LZTFL1: variants seen among roughly 807,000 people sequenced by gnomAD.
LZTFL1 encodes leucine zipper transcription factor-like protein 1.
Under a neutral mutation model 45.9 loss-of-function variants are expected in LZTFL1, and 25 were observed. That is an observed-to-expected ratio of 0.54 (90% CI 0.40 to 0.76). The LOEUF is 0.76. LZTFL1 is among the 30% of genes least tolerant of loss of function. The pLI is 0.00. For missense variants in LZTFL1, 277 were observed against 331.1 expected, an observed-to-expected ratio of 0.84 and a Z score of 1.27; for synonymous variants, 93 against 117.4, an observed-to-expected ratio of 0.79 and a Z score of 1.35.
chr3:45,899,356 A>G (rs1007343053), intron 2 of LZTFL1, among the ~76,000 whole-genome samples: 1 of 152,230 alleles, frequency 6.6e-6, no homozygotes, highest in African/African-American at 2.4e-5. Context: ...GGATATTACA[A>G]TGTATACAGA....
At chr3:45,831,187 A>AT in intron 5 of LZTFL1, 49 bp from the exon 6 acceptor site, 3 of 956,620 alleles carry the variant, frequency 3.1e-6, no homozygotes, top group Non-Finnish European at 3.1e-6. Context: ...ATATTTTAAT[A>AT]TTTGAAATTA....
intron 2 of LZTFL1, among the ~76,000 whole-genome samples, chr3:45,863,868 A>T (rs1026492447): frequency 6.6e-6 from 1 of 152,250 alleles, no homozygotes; most frequent in Non-Finnish European, 1.5e-5. Context: ...TGGACAAAGA[A>T]GCTGGGAAGG....
rs76834546 is a variant in LZTFL1 at position 45,873,180 on chromosome 3, A to C, written c.-214-14164T>G. On this transcript the variant is annotated intron_variant, in intron 2 of 4. Coordinates refer to the LZTFL1 transcript ENST00000472635. ...TTTTCAAGCTTCTCAAACTTTACTG[A>C]GTACACAAACCCTGGGGATTTGTTA... Among the ~76,000 whole-genome samples the C allele has an allele frequency of 4.5e-3, 679 of 152,308 alleles. 8 individuals carry two copies. The highest frequency in any genetic ancestry group is 0.015 in the African/African-American group (644 of 41,560).
intron 2 of LZTFL1, among the ~76,000 whole-genome samples, chr3:45,911,048 C>T (rs1702785329): frequency 1.3e-5 from 2 of 152,166 alleles, no homozygotes; most frequent in South Asian, 4.1e-4. Context: ...GGTACTCAGA[C>T]CTTTTACATG....
chr3:45,830,809 G>A, intron 7 of LZTFL1, 104 bp downstream of exon 7: 2 of 933,528 alleles, frequency 2.1e-6, no homozygotes, highest in Non-Finnish European at 1.7e-6. Context: ...GTCTCAGGGA[G>A]TAGCAGGGGT....
intron 2 of LZTFL1, 72 bp downstream of exon 2, chr3:45,837,855 T>C: frequency 6.7e-7 from 1 of 1,489,254 alleles, no homozygotes; most frequent in Non-Finnish European, 9.0e-7. Flanking sequence ...GCCTCTGCTA[T>C]GGCACCCCCA....
At chr3:45,867,781 C>A (rs1701601600) in intron 2 of LZTFL1, among the ~76,000 whole-genome samples, 1 of 152,008 alleles carries the variant, frequency 6.6e-6, no homozygotes, top group African/African-American at 2.4e-5. Flanking sequence ...GAGGTCAAGG[C>A]TGCAGTGAGC....
chr3:45,841,799 C>A, intron 1 of LZTFL1, 190 bp downstream of exon 1: 1 of 697,088 alleles, frequency 1.4e-6, no homozygotes, highest in Admixed American at 2.7e-5. Flanking sequence ...CCCAGGATTA[C>A]CCCAGAAGGG....
In LZTFL1 at chr3:45,900,539, T is replaced by G. The variant is rs1386401641; in HGVS notation, c.-215+12581A>C. Among the ~76,000 whole-genome samples, 1 of 152,182 alleles carries G rather than the reference T, an allele frequency of 6.6e-6. No individual in the cohort carries two copies. The highest frequency in any genetic ancestry group is 2.4e-5 in the African/African-American group (1 of 41,422). ...TCTGGTTGCTCTATGGGTAGGTAAGTTTCCTGAGAGTGAAGCCACACATCT... is the reference window on the plus strand; with the variant it reads ...TCTGGTTGCTCTATGGGTAGGTAAGGTTCCTGAGAGTGAAGCCACACATCT... On this transcript the variant is annotated intron_variant, in intron 2 of 4. Coordinates refer to the LZTFL1 transcript ENST00000472635. The surrounding 1 kb of genome is among the most constrained non-coding windows in gnomAD (Gnocchi z 4.7).
Position 45,890,312 on chromosome 3 carries a change from T to TATAA in LZTFL1, c.-215+22807_-215+22808insTTAT, listed in dbSNP as rs10677703. ...TATAAATATATATATAACATATATATATATTTATATAAATATATATATAAC... is the reference window on the plus strand; with the variant it reads ...TATAAATATATATATAACATATATATATAAATATTTATATAAATATATATATAAC... On this transcript the variant is annotated intron_variant, in intron 2 of 4. Transcript: ENST00000472635. Among the ~76,000 whole-genome samples the TATAA allele has an allele frequency of 4.2e-4, 26 of 61,978 alleles. 5 individuals carry two copies. Among genetic ancestry groups the TATAA allele is most frequent in the South Asian group, 1.1e-3 (3 of 2,682 alleles). 40.7% of individuals were successfully genotyped at this position (61,978 alleles called of 152,430 possible).
At chr3:45,897,636 G>C in intron 2 of LZTFL1, 2 of 1,531,188 alleles carry the variant, frequency 1.3e-6, no homozygotes, top group Non-Finnish European at 1.7e-6. Context: ...CCTTAGCCCA[G>C]GACTAACACA....
At position 45,826,236 on chromosome 3, in the gene LZTFL1, A is replaced by T; in HGVS notation, c.*78T>A. 2.3e-6 allele frequency: 3 copies of T among 1,286,274 alleles called. No individual in the cohort carries two copies. Among genetic ancestry groups the T allele is most frequent in the Non-Finnish European group, 3.4e-6 (3 of 892,186 alleles). 79.7% of individuals were successfully genotyped at this position (1,286,274 alleles called of 1,614,324 possible). A position where few individuals can be genotyped will look rare whatever the true frequency, so the allele number is the denominator to read the frequency against. On this transcript the variant is annotated 3_prime_UTR_variant, in exon 10 of 10. Coordinates refer to ENST00000296135, the MANE Select transcript of LZTFL1 (RefSeq NM_020347.4). ...AAATAAGGAGAGGGGATATGACAAA[A>T]TGCTTTTCAAAATACATGCCTGAGG...
intron 2 of LZTFL1, among the ~76,000 whole-genome samples, chr3:45,890,033 A>G (rs544774659): frequency 6.6e-6 from 1 of 150,834 alleles, no homozygotes; most frequent in South Asian, 2.1e-4. Context: ...ACATAAATTT[A>G]TACTCCTCAC....
chr3:45,833,738 A>G (rs898591225), intron 4 of LZTFL1, among the ~76,000 whole-genome samples: 3 of 152,212 alleles, frequency 2.0e-5, no homozygotes. Flanking sequence ...TTATCCAACA[A>G]TGGAGTATTT....
chr3:45,872,322 C>T (rs1262896377), intron 2 of LZTFL1, among the ~76,000 whole-genome samples: 5 of 151,960 alleles, frequency 3.3e-5, no homozygotes, highest in Admixed American at 3.3e-4. Context: ...GTGTGTGGCA[C>T]ACCCATTTAA....
chr3:45,906,291 A>G (rs539173168), intron 2 of LZTFL1, among the ~76,000 whole-genome samples: 4 of 152,332 alleles, frequency 2.6e-5, no homozygotes, highest in South Asian at 4.1e-4. Flanking sequence ...CAGGGGCCCC[A>G]TGGTGTATAA....
rs5848773 is a variant in LZTFL1 at position 45,861,211 on chromosome 3, GAA to G, written c.-214-2197_-214-2196del. 1.7e-3 allele frequency among the ~76,000 whole-genome samples: 217 copies of G among 127,562 alleles called. 3 individuals are homozygous for G. Among genetic ancestry groups the G allele is most frequent in the African/African-American group, 4.2e-3 (147 of 34,912 alleles). The allele number at this position is 127,562 out of a possible 152,430, so 83.7% of individuals were successfully genotyped here. On this transcript the variant is annotated intron_variant, in intron 2 of 4. Transcript: ENST00000472635. ...TTGAAAGACTGTGAAGAAGCAAAAC[GAA>G]AAAAAAAAAAAAACCCCAAAAACTC...
At chr3:45,843,385 C>T (rs1701164497), upstream of LZTFL1, among the ~76,000 whole-genome samples, 1 of 152,140 alleles carries the variant, frequency 6.6e-6, no homozygotes, top group Non-Finnish European at 1.5e-5. Context: ...TGTAGACATT[C>T]GTTGTGTTCA....
At chr3:45,828,392 AT>A in intron 8 of LZTFL1, 46 bp downstream of exon 8, 1 of 1,550,496 alleles carries the variant, frequency 6.4e-7, no homozygotes, top group Non-Finnish European at 8.8e-7. Context: ...TACTGTGTGC[AT>A]TAATCATGCA....
Sources: gnomAD v4.1 joint callset for allele counts (sites outside exome capture counted in the v4.1 genomes callset) on GRCh38, gnomAD v4.1.1 for gene constraint, Gnocchi (gnomAD v3.1) non-coding constraint, MANE v1.5 for transcripts, NCBI Gene and HGNC (gene_info 2026-07-23, HGNC 2026-07-21) for gene names.